The following TMEM273 variants were observed in gnomAD, a reference collection of about 807,000 sequenced individuals.
TMEM273 encodes chromosome 10 open reading frame 128.
TMEM273 carries 19 observed loss-of-function variants against 17.9 expected under a neutral mutation model. The observed-to-expected ratio is 1.06, with a 90% confidence interval of 0.74 to 1.55. The LOEUF (loss-of-function observed/expected upper bound fraction) is 1.55, where lower values mean the gene tolerates loss of function less well. TMEM273 is among the 40% of genes most tolerant of loss of function. The pLI is 0.00. For missense variants in TMEM273, 194 were observed against 155.6 expected, an observed-to-expected ratio of 1.25 and a Z score of -1.31; for synonymous variants, 66 against 62.0, an observed-to-expected ratio of 1.07 and a Z score of -0.31.
chr10:49,162,050 A>T lies in TMEM273; in HGVS notation c.349-428T>A, dbSNP rs755025879. On this transcript the variant is annotated intron_variant, in intron 5 of 6. Transcript: ENST00000374153. ...AAGTTCATTGTTGAATAACTATTGGAGCCATCTTTCCTGGATTATGGAAAA... is the reference window on the plus strand; with the variant it reads ...AAGTTCATTGTTGAATAACTATTGGTGCCATCTTTCCTGGATTATGGAAAA... 3.5e-4 allele frequency among the ~76,000 whole-genome samples: 53 copies of T among 152,260 alleles called. No individual in the cohort carries two copies. The Middle Eastern group carries it at 0.01, about 29-fold the overall frequency.
rs915704338 is a variant in TMEM273 at position 49,175,369 on chromosome 10, G to A, written c.44-7407C>T. Among the ~76,000 whole-genome samples the A allele has an allele frequency of 5.9e-5, 9 of 152,138 alleles. No individual in the cohort carries two copies. The East Asian group carries it at 7.7e-4, about 13-fold the overall frequency. On this transcript the variant is annotated intron_variant, in intron 1 of 6. Coordinates refer to ENST00000374153, the MANE Select transcript of TMEM273 (RefSeq NM_001288740.3). ...TCTGTGCCTTTTCTCCTCGCCGCAC[G>A]CCACCCTGGGCAGGAACGAGAAGCA...
intron 4 of TMEM273, 197 bp from the exon 5 acceptor site, chr10:49,165,480 G>A: frequency 6.9e-7 from 1 of 1,450,174 alleles, no homozygotes; most frequent in South Asian, 1.5e-5. Flanking sequence ...TCAGGGGTAT[G>A]CACTGAAGGG....
At chr10:49,178,246 C>G (rs1317043418) in intron 1 of TMEM273, 2 of 457,390 alleles carry the variant, frequency 4.4e-6, no homozygotes, top group South Asian at 3.1e-5. Context: ...CCCGGGGCCT[C>G]AGCAGAGGCT....
At chr10:49,176,536 T>A (rs61848458) in intron 1 of TMEM273, among the ~76,000 whole-genome samples, 43,930 of 152,180 alleles carry the variant, frequency 0.29, 7,985 homozygotes, top group East Asian at 0.63. Flanking sequence ...GGTAAAGTAT[T>A]GTGGAAGAGG....
intron 4 of TMEM273, among the ~76,000 whole-genome samples, 184 bp downstream of exon 4, chr10:49,165,580 TTG>T (rs1846124188): frequency 1.3e-5 from 2 of 152,308 alleles, no homozygotes; most frequent in African/African-American, 4.8e-5. Context: ...GCCCTCACTC[TTG>T]TGACACCTGC....
At chr10:49,165,934 T>C in intron 3 of TMEM273, 138 bp from the exon 4 acceptor site, 2 of 1,078,920 alleles carry the variant, frequency 1.9e-6, no homozygotes, top group South Asian at 3.0e-5. Flanking sequence ...GGCTGCTATG[T>C]GATGAAGAGG....
chr10:49,176,719 G>T (rs1203938651), intron 1 of TMEM273, among the ~76,000 whole-genome samples: 1 of 152,144 alleles, frequency 6.6e-6, no homozygotes, highest in African/African-American at 2.4e-5. Flanking sequence ...CCATGGGAAA[G>T]GGGTCATGAT....
intron 1 of TMEM273, among the ~76,000 whole-genome samples, chr10:49,180,560 A>G (rs552353694): frequency 1.3e-5 from 2 of 152,352 alleles, no homozygotes; most frequent in East Asian, 3.9e-4. Context: ...AGACGTCAAT[A>G]AGATTCAGAG....
intron 6 of TMEM273, among the ~76,000 whole-genome samples, chr10:49,157,721 G>C: frequency 6.6e-6 from 1 of 152,172 alleles, no homozygotes; most frequent in East Asian, 1.9e-4. Flanking sequence ...TTCAGCCCTA[G>C]AGCCAGCATG....
At chr10:49,182,769 A>G (rs1847425526) in intron 1 of TMEM273, among the ~76,000 whole-genome samples, 1 of 152,220 alleles carries the variant, frequency 6.6e-6, no homozygotes, top group Non-Finnish European at 1.5e-5. Flanking sequence ...TTTATTTAGA[A>G]TTGTGACAAC....
intron 1 of TMEM273, chr10:49,178,344 C>T: frequency 4.4e-6 from 2 of 456,188 alleles, no homozygotes; most frequent in South Asian, 3.1e-5. Context: ...CAATAATTGA[C>T]TCAAACAAGT....
At chr10:49,171,876 T>C (rs114238401) in intron 1 of TMEM273, among the ~76,000 whole-genome samples, 43,526 of 151,960 alleles carry the variant, frequency 0.29, 7,318 homozygotes, top group African/African-American at 0.47. Context: ...TCCAGGCCTC[T>C]TTGAGCTGTC....
intron 1 of TMEM273, among the ~76,000 whole-genome samples, chr10:49,174,494 C>A (rs1245915007): frequency 6.6e-6 from 1 of 152,170 alleles, no homozygotes; most frequent in African/African-American, 2.4e-5. Flanking sequence ...CTCAGAGTCC[C>A]CATCTCAAAC....
At chr10:49,159,820 T>C (rs1025093079) in intron 6 of TMEM273, among the ~76,000 whole-genome samples, 2 of 152,046 alleles carry the variant, frequency 1.3e-5, no homozygotes, top group Non-Finnish European at 2.9e-5. Context: ...GAGCCTGAGA[T>C]ATTGTGTTGT....
intron 4 of TMEM273, chr10:49,165,489 G>A (rs1846116764): frequency 2.8e-6 from 4 of 1,433,422 alleles, no homozygotes; most frequent in Admixed American, 2.7e-5. Flanking sequence ...TGCACTGAAG[G>A]GGTCTGAGTG....
At chr10:49,184,679 C>T (rs752707287) in intron 1 of TMEM273, among the ~76,000 whole-genome samples, 2 of 152,148 alleles carry the variant, frequency 1.3e-5, no homozygotes, top group Non-Finnish European at 2.9e-5. Flanking sequence ...ATGGCCACAA[C>T]CCCCTGGTGG....
At chr10:49,176,285 G>A (rs1590232158) in intron 1 of TMEM273, among the ~76,000 whole-genome samples, 1 of 152,246 alleles carries the variant, frequency 6.6e-6, no homozygotes, top group East Asian at 1.9e-4. Context: ...GGCACTCTGG[G>A]AAGGTGCTCA....
intron 1 of TMEM273, among the ~76,000 whole-genome samples, chr10:49,173,269 G>T (rs1036700648): frequency 1.3e-5 from 2 of 152,156 alleles, no homozygotes; most frequent in Non-Finnish European, 2.9e-5. Context: ...ATCTGAGCTC[G>T]GTAACTGTCA....
chr10:49,166,623 G>T, intron 3 of TMEM273: 1 of 530,722 alleles, frequency 1.9e-6, no homozygotes, highest in South Asian at 2.1e-5. Context: ...GAAAGACAGA[G>T]ACATGGAAAG....
Sources: gnomAD v4.1 joint callset for allele counts (sites outside exome capture counted in the v4.1 genomes callset) on GRCh38, gnomAD v4.1.1 for gene constraint, MANE v1.5 for transcripts, NCBI Gene and HGNC (gene_info 2026-07-23, HGNC 2026-07-21) for gene names.